Variants in VRK2 observed in about 807,000 individuals in gnomAD.
VRK2 encodes the protein VRK serine/threonine kinase 2.
A neutral mutation model predicts 57.6 loss-of-function variants in VRK2; 60 were observed. That is an observed-to-expected ratio of 1.04 (90% CI 0.85 to 1.29). The LOEUF (loss-of-function observed/expected upper bound fraction) is 1.29, where lower values mean the gene tolerates loss of function less well. VRK2 is among the 50% of genes most tolerant of loss of function. VRK2 has a pLI of 0.00. For missense variants in VRK2, 705 were observed against 588.1 expected, an observed-to-expected ratio of 1.20 and a Z score of -2.06; for synonymous variants, 231 against 199.2, an observed-to-expected ratio of 1.16 and a Z score of -1.35.
chr2:58,119,157 A>G (rs556634947), intron 7 of VRK2, among the ~76,000 whole-genome samples: 2 of 152,240 alleles, frequency 1.3e-5, no homozygotes, highest in Admixed American at 1.3e-4. Context: ...GTACAGAGAG[A>G]GATCTTGGTT....
intron 8 of VRK2, among the ~76,000 whole-genome samples, chr2:58,131,407 C>G (rs1387174837): frequency 6.6e-6 from 1 of 151,758 alleles, no homozygotes; most frequent in African/African-American, 2.4e-5. Context: ...AATGCAGACC[C>G]TATGGACTTC....
chr2:57,965,437 T>C (rs1348784336), intron 1 of VRK2, among the ~76,000 whole-genome samples: 1 of 152,194 alleles, frequency 6.6e-6, no homozygotes, highest in African/African-American at 2.4e-5. Context: ...CAATAATGTA[T>C]AGGAACCAGA....
In VRK2 at chr2:57,962,525, A is replaced by G. The variant is rs540575486; in HGVS notation, c.-439+54686A>G. On this transcript the variant is annotated intron_variant, in intron 1 of 15. Transcript: ENST00000417641. ...TAGAGATTAATTAGTCACCTAGGTA[A>G]TAAGCATAGTATTTGATCGGTAGTT... Among the ~76,000 whole-genome samples, 139 of 152,168 alleles carry G rather than the reference A, an allele frequency of 9.1e-4. 1 individual carries two copies. The Middle Eastern group carries it at 0.027, about 30-fold the overall frequency.
chr2:57,996,760 C>T (rs948060847), intron 1 of VRK2, among the ~76,000 whole-genome samples: 5 of 151,670 alleles, frequency 3.3e-5, no homozygotes, highest in Non-Finnish European at 2.9e-5. Flanking sequence ...TGTATAAGTC[C>T]CTTGTATAAA....
chr2:57,998,228 A>T (rs1368098286), intron 1 of VRK2, among the ~76,000 whole-genome samples: 2 of 152,206 alleles, frequency 1.3e-5, no homozygotes, highest in Non-Finnish European at 2.9e-5. Context: ...TATGATAAGT[A>T]ATCGTAAATT....
chr2:58,066,915 G>T (rs913617576), intron 2 of VRK2, among the ~76,000 whole-genome samples: 18 of 152,162 alleles, frequency 1.2e-4, no homozygotes, highest in Admixed American at 7.9e-4. Flanking sequence ...GTCTGTGAGG[G>T]TGTTGCCAAA....
At chr2:57,916,880 G>A (rs960251803) in intron 1 of VRK2, among the ~76,000 whole-genome samples, 16 of 152,160 alleles carry the variant, frequency 1.1e-4, no homozygotes, top group African/African-American at 3.6e-4. Context: ...TTTCTCATTT[G>A]TAGAATAAGG....
At chr2:57,961,296 G>C (rs1671750615) in intron 1 of VRK2, among the ~76,000 whole-genome samples, 3 of 152,160 alleles carry the variant, frequency 2.0e-5, no homozygotes, top group Admixed American at 2.0e-4. Flanking sequence ...AGGAGGAAGA[G>C]CTGTCCAGGC....
At chr2:58,011,119 T>C (rs1572776445) in intron 1 of VRK2, among the ~76,000 whole-genome samples, 1 of 152,152 alleles carries the variant, frequency 6.6e-6, no homozygotes, top group South Asian at 2.1e-4. Flanking sequence ...AAAATATATA[T>C]ATTTAACAGC....
At chr2:57,967,674 C>A (rs1162618243) in intron 1 of VRK2, among the ~76,000 whole-genome samples, 2 of 150,908 alleles carry the variant, frequency 1.3e-5, no homozygotes, top group Non-Finnish European at 2.9e-5. Context: ...AGCACTTAAG[C>A]AATTATCCTT....
intron 1 of VRK2, among the ~76,000 whole-genome samples, chr2:57,938,979 A>C (rs1325523786): frequency 6.6e-6 from 1 of 152,132 alleles, no homozygotes; most frequent in Non-Finnish European, 1.5e-5. Context: ...TATTACAGAA[A>C]CTCCAGAGTA....
chr2:57,929,626 G>C (rs1670655030), intron 1 of VRK2, among the ~76,000 whole-genome samples: 1 of 152,054 alleles, frequency 6.6e-6, no homozygotes. Context: ...CCAAACAGAA[G>C]GAGTCTCTCC....
chr2:58,025,524 G>A (rs568614577), intron 1 of VRK2: 1 of 152,218 alleles, frequency 6.6e-6, no homozygotes, highest in South Asian at 2.1e-4. Flanking sequence ...ATCATTTTAA[G>A]TTAAATGTCT....
intron 3 of VRK2, among the ~76,000 whole-genome samples, chr2:58,039,523 T>G (rs1674379249): frequency 6.6e-6 from 1 of 152,102 alleles, no homozygotes; most frequent in Non-Finnish European, 1.5e-5. Context: ...CAATATGAAT[T>G]TCCTGGCTTC....
chr2:57,985,207 T>C (rs1287814811), intron 1 of VRK2, among the ~76,000 whole-genome samples: 1 of 152,070 alleles, frequency 6.6e-6, no homozygotes, highest in African/African-American at 2.4e-5. Context: ...AATTCACTAA[T>C]GCAATCATAA....
intron 1 of VRK2, among the ~76,000 whole-genome samples, chr2:57,993,642 A>C (rs1418165213): frequency 6.6e-6 from 1 of 152,262 alleles, no homozygotes; most frequent in Admixed American, 6.5e-5. Context: ...AATGTTTCTC[A>C]ATAAAAATAT....
chr2:57,952,783 T>C (rs1480009055), intron 1 of VRK2, among the ~76,000 whole-genome samples: 1 of 151,504 alleles, frequency 6.6e-6, no homozygotes, highest in Non-Finnish European at 1.5e-5. Context: ...TGTCAAATAT[T>C]GCATTGTTAA....
At chr2:58,113,154 C>A (rs1278656601) in intron 7 of VRK2, among the ~76,000 whole-genome samples, 1 of 151,808 alleles carries the variant, frequency 6.6e-6, no homozygotes, top group African/African-American at 2.4e-5. Flanking sequence ...ACTAAAAATA[C>A]AAAAATTAGC....
intron 7 of VRK2, among the ~76,000 whole-genome samples, chr2:58,093,984 A>G (rs993899953): frequency 6.6e-6 from 1 of 151,838 alleles, no homozygotes; most frequent in Non-Finnish European, 1.5e-5. Context: ...TAGATGTGTG[A>G]TATTATTTCT....
Sources: gnomAD v4.1 joint callset for allele counts (sites outside exome capture counted in the v4.1 genomes callset) on GRCh38, gnomAD v4.1.1 for gene constraint, MANE v1.5 for transcripts, NCBI Gene and HGNC (gene_info 2026-07-23, HGNC 2026-07-21) for gene names.